The following TENM2 variants were observed in gnomAD, a reference collection of about 807,000 sequenced individuals.
The protein encoded by TENM2 is teneurin transmembrane protein 2.
In TENM2, 52 loss-of-function variants were observed where a neutral mutation model predicts 245.2. That is an observed-to-expected ratio of 0.21 (90% CI 0.17 to 0.27). The LOEUF is 0.27. Ranked by LOEUF, TENM2 falls within the 10% of genes least tolerant of loss-of-function variation. The pLI, the probability that TENM2 is intolerant of heterozygous loss-of-function variation, is 1.00. For missense variants in TENM2, 3,046 were observed against 3,666.8 expected, an observed-to-expected ratio of 0.83 and a Z score of 4.37; for synonymous variants, 1,363 against 1,438.9, an observed-to-expected ratio of 0.95 and a Z score of 1.19.
intron 2 of TENM2, among the ~76,000 whole-genome samples, chr5:167,494,091 C>T (rs570960865): frequency 4.5e-4 from 69 of 152,132 alleles, no homozygotes; most frequent in African/African-American, 1.5e-3. Context: ...ATGATCCATC[C>T]GTTACTCAAT....
rs1185077785 is a variant in TENM2, at chr5:168,100,922, A to AT, written c.1813+2797dup. Among the ~76,000 whole-genome samples, 86 of 95,978 alleles carry AT rather than the reference A, an allele frequency of 9.0e-4. No individual in the cohort carries two copies. The East Asian group carries it at 0.045, about 50-fold the overall frequency. 63.0% of individuals were successfully genotyped at this position (95,978 alleles called of 152,430 possible). ...CATGTATTCCAAAACTTCAAGTATAATTAAAAAAAAAAAAAAAAAGACAAG... is the reference window on the plus strand; with the variant it reads ...CATGTATTCCAAAACTTCAAGTATAATTTAAAAAAAAAAAAAAAAAGACAAG... On this transcript the variant is annotated intron_variant, in intron 9 of 28. Coordinates refer to ENST00000518659, the Ensembl canonical transcript of TENM2.
chr5:167,543,431 G>A (rs1409629459), intron 2 of TENM2, among the ~76,000 whole-genome samples: 1 of 152,104 alleles, frequency 6.6e-6, no homozygotes, highest in Non-Finnish European at 1.5e-5. Context: ...CTGGATATAG[G>A]GATGGGAATA....
intron 23 of TENM2, among the ~76,000 whole-genome samples, chr5:168,223,249 GCC>G (rs1218644883): frequency 6.6e-6 from 1 of 152,132 alleles, no homozygotes; most frequent in Non-Finnish European, 1.5e-5. Context: ...AAACTCAGCA[GCC>G]TATGCATTGT....
At chr5:168,199,438 T>A (rs1268966529) in intron 16 of TENM2, among the ~76,000 whole-genome samples, 1 of 152,244 alleles carries the variant, frequency 6.6e-6, no homozygotes, top group Non-Finnish European at 1.5e-5. Flanking sequence ...TTTAATGATC[T>A]ACATCGGTGT....
intron 2 of TENM2, among the ~76,000 whole-genome samples, chr5:167,468,711 T>C (rs943426231): frequency 1.3e-5 from 2 of 152,226 alleles, no homozygotes; most frequent in Admixed American, 6.5e-5. Flanking sequence ...ACTTCTCTGA[T>C]ACCACTTTCT....
intron 5 of TENM2, among the ~76,000 whole-genome samples, chr5:168,045,835 G>A (rs903802788): frequency 2.0e-5 from 3 of 152,114 alleles, no homozygotes; most frequent in Admixed American, 1.3e-4. Context: ...CCTGACCTCT[G>A]TATAGTGAAA....
intron 2 of TENM2, among the ~76,000 whole-genome samples, chr5:167,817,353 T>C (rs1767138969): frequency 6.6e-6 from 1 of 152,222 alleles, no homozygotes; most frequent in Admixed American, 6.5e-5. Flanking sequence ...TTTATTTGTT[T>C]ATACAGAAAA....
the TENM2 span, among the ~76,000 whole-genome samples, chr5:167,138,268 G>A: frequency 2.6e-5 from 4 of 152,194 alleles, no homozygotes; most frequent in African/African-American, 4.8e-5. Context: ...TTCTTTTTAA[G>A]AGCAGGATAT....
In TENM2 at chr5:167,793,408, T is replaced by C. The variant is rs140895594; in HGVS notation, c.503-82578T>C. Among the ~76,000 whole-genome samples, 951 of 152,316 alleles carry C rather than the reference T, an allele frequency of 6.2e-3. 7 individuals are homozygous for C. Among genetic ancestry groups the C allele is most frequent in the Non-Finnish European group, 0.011 (718 of 68,028 alleles). On this transcript the variant is annotated intron_variant, in intron 2 of 28. Transcript: ENST00000518659. ...ATACCTAGTAGATTATGCTAAATAC[T>C]TAATAAATATATAGTAATATTATTA...
intron 2 of TENM2, among the ~76,000 whole-genome samples, chr5:167,711,936 T>A (rs1455333085): frequency 2.0e-5 from 3 of 152,240 alleles, no homozygotes; most frequent in Admixed American, 2.0e-4. Context: ...TGTGTGCAAA[T>A]TATTTTTAAT....
chr5:168,211,831 C>A, intron 20 of TENM2, 77 bp downstream of exon 22: 1 of 906,564 alleles, frequency 1.1e-6, no homozygotes, highest in Non-Finnish European at 1.7e-6. Flanking sequence ...TTGTTTTGTG[C>A]TTCTTGTGTA....
At chr5:167,965,785 G>A (rs1456846284) in intron 4 of TENM2, among the ~76,000 whole-genome samples, 1 of 152,090 alleles carries the variant, frequency 6.6e-6, no homozygotes, top group Admixed American at 6.6e-5. Flanking sequence ...CCAGGGCTGG[G>A]GGAATTAAGT....
the TENM2 span, among the ~76,000 whole-genome samples, chr5:167,113,694 C>T: frequency 1.3e-5 from 2 of 151,134 alleles, no homozygotes; most frequent in Non-Finnish European, 2.9e-5. Context: ...ACTCCTCTAA[C>T]TTTATGTAAA....
At chr5:167,739,659 A>G (rs1761041069) in intron 2 of TENM2, among the ~76,000 whole-genome samples, 2 of 152,208 alleles carry the variant, frequency 1.3e-5, no homozygotes, top group East Asian at 3.9e-4. Flanking sequence ...AGGAAGCAGT[A>G]AGGACCATGA....
At chr5:167,051,912 A>T in the TENM2 span, among the ~76,000 whole-genome samples, 2 of 152,100 alleles carry the variant, frequency 1.3e-5, no homozygotes, top group Non-Finnish European at 2.9e-5. Context: ...ATTTTTCCAA[A>T]CTCATTAAAG....
chr5:167,368,068 A>G (rs1760169868), intron 1 of TENM2, among the ~76,000 whole-genome samples: 1 of 152,182 alleles, frequency 6.6e-6, no homozygotes, highest in South Asian at 2.1e-4. Context: ...AGGATGAATG[A>G]TTTTAGAAAA....
intron 3 of TENM2, among the ~76,000 whole-genome samples, chr5:167,948,019 G>A (rs952316056): frequency 3.9e-5 from 6 of 152,050 alleles, no homozygotes; most frequent in Admixed American, 2.0e-4. Flanking sequence ...ACCTAAACAC[G>A]TCCTCCAGCT....
chr5:167,868,249 C>A (rs956638483), intron 2 of TENM2, among the ~76,000 whole-genome samples: 1 of 152,116 alleles, frequency 6.6e-6, no homozygotes, highest in African/African-American at 2.4e-5. Context: ...CCACACATTG[C>A]CAAATCTCCC....
chr5:168,211,644 T>C, intron 19 of TENM2, 90 bp from the exon 22 acceptor site: 2 of 866,470 alleles, frequency 2.3e-6, no homozygotes, highest in South Asian at 3.2e-5. Flanking sequence ...GGCCCCTTTA[T>C]ACAAGAAACA....
Sources: gnomAD v4.1 joint callset for allele counts (sites outside exome capture counted in the v4.1 genomes callset) on GRCh38, gnomAD v4.1.1 for gene constraint, MANE v1.5 for transcripts, NCBI Gene and HGNC (gene_info 2026-07-23, HGNC 2026-07-21) for gene names.